The following PIK3C2G variants were observed in gnomAD, a reference collection of about 807,000 sequenced individuals.
PIK3C2G encodes the protein phosphatidylinositol 3-kinase C2 domain-containing subunit gamma.
Under a neutral mutation model 181.1 loss-of-function variants are expected in PIK3C2G, and 168 were observed. The ratio of observed to expected loss-of-function variants is 0.93; its 90% CI spans 0.82 to 1.05. The LOEUF (loss-of-function observed/expected upper bound fraction) is 1.05. Ranked by LOEUF, PIK3C2G falls within the 50% of genes least tolerant of loss-of-function variation. PIK3C2G has a pLI of 0.00. For synonymous variants in PIK3C2G, 573 were observed against 592.2 expected (o/e 0.97, Z 0.47); for missense variants, 1,869 against 1,732.8 (o/e 1.08, Z -1.40).
intron 16 of PIK3C2G, among the ~76,000 whole-genome samples, chr12:18,412,278 G>A (rs1944907386): frequency 6.6e-6 from 1 of 152,144 alleles, no homozygotes. Flanking sequence ...ATGCCAAACT[G>A]TGCTGTGTAC....
chr12:18,453,725 T>C (rs1329075610), intron 18 of PIK3C2G, among the ~76,000 whole-genome samples: 1 of 150,312 alleles, frequency 6.7e-6, no homozygotes, highest in East Asian at 1.9e-4. Context: ...TTTTGTTTTA[T>C]TCTTTTCAAT....
At chr12:18,382,740 T>C (rs1242193214) in intron 14 of PIK3C2G, among the ~76,000 whole-genome samples, 2 of 152,128 alleles carry the variant, frequency 1.3e-5, no homozygotes, top group African/African-American at 4.8e-5. Flanking sequence ...TGTCTCCAGA[T>C]ATTGTCAAAT....
At position 18,567,066 on chromosome 12, in the gene PIK3C2G, T is replaced by C. The variant is rs1376900987; in HGVS notation, c.4011+9T>C. ...CACATGAAGTTACAAACGTATGTTA[T>C]AATTAATTTTTCTATTTTTACATAA... On this transcript the variant is annotated intron_variant, in intron 29 of 32. Coordinates refer to ENST00000538779, the MANE Select transcript of PIK3C2G (RefSeq NM_001288772.2). 6.0e-6 allele frequency: 7 copies of C among 1,171,904 alleles called. No homozygotes were observed. In the South Asian group the frequency reaches 9.4e-5, roughly 16 times the overall value. The allele number at this position is 1,171,904 out of a possible 1,614,324, so 72.6% of individuals were successfully genotyped here.
At chr12:18,701,520 A>G in the PIK3C2G span, 19 of 1,614,046 alleles carry the variant, frequency 1.2e-5, no homozygotes, top group Non-Finnish European at 1.5e-5. Context: ...CTTGAAAAGC[A>G]TTACTCCAGG....
At chr12:18,479,372 C>T (rs935141908) in intron 18 of PIK3C2G, among the ~76,000 whole-genome samples, 6 of 152,070 alleles carry the variant, frequency 3.9e-5, no homozygotes, top group Non-Finnish European at 8.8e-5. Flanking sequence ...CAGCATAAGG[C>T]TAAAGAGCAA....
upstream of PIK3C2G, among the ~76,000 whole-genome samples, chr12:18,260,569 T>C (rs1193068446): frequency 6.6e-6 from 1 of 152,028 alleles, no homozygotes; most frequent in Non-Finnish European, 1.5e-5. Flanking sequence ...ACTATAAATA[T>C]CTTTCCATGA....
intron 25 of PIK3C2G, among the ~76,000 whole-genome samples, chr12:18,545,514 T>C (rs1185881599): frequency 4.0e-5 from 6 of 151,880 alleles, no homozygotes; most frequent in African/African-American, 9.7e-5. Context: ...CTTCATTTTT[T>C]TTTTTGCAAA....
the PIK3C2G span, among the ~76,000 whole-genome samples, chr12:18,688,553 C>CATATATAT: frequency 6.8e-6 from 1 of 146,956 alleles, no homozygotes; most frequent in African/African-American, 2.5e-5. Context: ...TTTTTGAATT[C>CATATATAT]ATATATATAT....
chr12:18,434,924 A>T (rs559130351), intron 18 of PIK3C2G, among the ~76,000 whole-genome samples: 1 of 152,220 alleles, frequency 6.6e-6, no homozygotes, highest in African/African-American at 2.4e-5. Flanking sequence ...AATGTCTTTG[A>T]CTTTTGTCCA....
intron 18 of PIK3C2G, among the ~76,000 whole-genome samples, chr12:18,485,506 C>G (rs780265859): frequency 6.6e-4 from 101 of 152,290 alleles, no homozygotes; most frequent in Middle Eastern, 6.8e-3. Flanking sequence ...AAACTTAATA[C>G]TGTCAAAATC....
chr12:18,480,160 C>A (rs949551832), intron 18 of PIK3C2G, among the ~76,000 whole-genome samples: 3 of 152,110 alleles, frequency 2.0e-5, no homozygotes, highest in African/African-American at 7.2e-5. Context: ...TCATAGATAC[C>A]TGTGTCTTCC....
At chr12:18,281,338 C>G (rs17475062) in intron 1 of PIK3C2G, among the ~76,000 whole-genome samples, 4 of 147,682 alleles carry the variant, frequency 2.7e-5, no homozygotes, top group African/African-American at 7.5e-5. Flanking sequence ...TCCAGTGTCA[C>G]GGAAAGCCAA....
At chr12:18,477,649 C>T (rs904357748) in intron 18 of PIK3C2G, among the ~76,000 whole-genome samples, 3 of 152,106 alleles carry the variant, frequency 2.0e-5, no homozygotes, top group African/African-American at 4.8e-5. Flanking sequence ...TGACAACGAA[C>T]GAGAATGCTG....
In PIK3C2G at chr12:18,353,449, G is replaced by A. The variant is rs112307487; in HGVS notation, c.1625+6613G>A. On this transcript the variant is annotated intron_variant, in intron 11 of 32. Transcript: ENST00000538779. ...TGCTAACAACATTGTACCCCAAGCC[G>A]TTTCACTTTGGTGAAAGAAATTAAA... Among the ~76,000 whole-genome samples the A allele has an allele frequency of 7.1e-3, 1,079 of 152,286 alleles. 12 individuals are homozygous for A. Among genetic ancestry groups the A allele is most frequent in the African/African-American group, 0.025 (1,023 of 41,542 alleles).
chr12:18,628,106 G>A (rs866106052), intron 31 of PIK3C2G, among the ~76,000 whole-genome samples: 5 of 152,020 alleles, frequency 3.3e-5, no homozygotes, highest in African/African-American at 7.2e-5. Context: ...ATATAGGATC[G>A]TGATTAGGAA....
chr12:18,357,601 C>T (rs1940867724), intron 11 of PIK3C2G, among the ~76,000 whole-genome samples: 1 of 152,150 alleles, frequency 6.6e-6, no homozygotes, highest in African/African-American at 2.4e-5. Flanking sequence ...TTTACCAGAA[C>T]ATTAGCATAT....
rs139584717 is a variant in PIK3C2G at position 18,403,145 on chromosome 12, C to G, written c.2315+3298C>G. Among the ~76,000 whole-genome samples, 53 of 152,198 alleles carry G rather than the reference C, an allele frequency of 3.5e-4. No homozygotes were observed. The Middle Eastern group carries it at 0.017, about 49-fold the overall frequency. ...TAAAATTGTAAATAGGAGCACTTAG[C>G]GATCTCGGTCATGCTCAGATGTTTC... On this transcript the variant is annotated intron_variant, in intron 16 of 32. Coordinates refer to ENST00000538779, the MANE Select transcript of PIK3C2G (RefSeq NM_001288772.2).
intron 31 of PIK3C2G, among the ~76,000 whole-genome samples, chr12:18,623,459 T>G (rs1476880241): frequency 6.6e-6 from 1 of 151,886 alleles, no homozygotes; most frequent in Non-Finnish European, 1.5e-5. Context: ...TAGTTTGAAA[T>G]CAGGTAGTAT....
chr12:18,323,812 C>G (rs1196298832), intron 7 of PIK3C2G, among the ~76,000 whole-genome samples: 3 of 152,128 alleles, frequency 2.0e-5, no homozygotes, highest in Non-Finnish European at 2.9e-5. Context: ...GAGCAAATCA[C>G]TCACCTTCAC....
Sources: gnomAD v4.1 joint callset for allele counts (sites outside exome capture counted in the v4.1 genomes callset) on GRCh38, gnomAD v4.1.1 for gene constraint, MANE v1.5 for transcripts, NCBI Gene and HGNC (gene_info 2026-07-23, HGNC 2026-07-21) for gene names.